ESYT2: variants seen among roughly 807,000 people sequenced by gnomAD.
ESYT2 encodes the protein extended synaptotagmin-2.
ESYT2 carries 54 observed loss-of-function variants against 107.2 expected under a neutral mutation model. That is an observed-to-expected ratio of 0.50 (90% confidence interval 0.40 to 0.63). The LOEUF (loss-of-function observed/expected upper bound fraction) is 0.63. Among genes scored for constraint, ESYT2 ranks in the 30% least tolerant of loss-of-function variants. The pLI is 0.00. For synonymous variants in ESYT2, 491 were observed against 434.1 expected (o/e 1.13, Z -1.63); for missense variants, 1,020 against 1,094.5 (o/e 0.93, Z 0.96).
intron 1 of ESYT2, among the ~76,000 whole-genome samples, chr7:158,806,395 T>C (rs1025919631): frequency 6.6e-6 from 1 of 152,242 alleles, no homozygotes. Context: ...CTGAATTTCA[T>C]GTTATATCTG....
At chr7:158,808,132 T>C (rs1038170961) in intron 1 of ESYT2, among the ~76,000 whole-genome samples, 9 of 152,248 alleles carry the variant, frequency 5.9e-5, no homozygotes, top group Admixed American at 1.3e-4. Flanking sequence ...ATTTGTTACC[T>C]ATTACAGAAA....
At chr7:158,762,415 A>G (rs1838002528) in intron 10 of ESYT2, among the ~76,000 whole-genome samples, 1 of 152,118 alleles carries the variant, frequency 6.6e-6, no homozygotes, top group South Asian at 2.1e-4. Context: ...ATGAACTCTC[A>G]AGTCAGGCCA....
At position 158,770,521 on chromosome 7, in the gene ESYT2, A is replaced by AT. The variant is rs941549739; in HGVS notation, c.804-2748dup. On this transcript the variant is annotated intron_variant, in intron 7 of 22. Coordinates refer to ENST00000275418, the MANE Select transcript of ESYT2 (RefSeq NM_001367773.1). ...TACATATACGATTATATATATATAT[A>AT]TTTTTTTTCCTGAGACGGAGTCTCA... Among the ~76,000 whole-genome samples the AT allele has an allele frequency of 5.6e-4, 84 of 150,044 alleles. 1 individual carries two copies. The South Asian group carries it at 6.7e-3, about 12-fold the overall frequency.
chr7:158,750,421 T>C (rs1450050506), intron 14 of ESYT2, among the ~76,000 whole-genome samples: 1 of 152,150 alleles, frequency 6.6e-6, no homozygotes, highest in African/African-American at 2.4e-5. Flanking sequence ...ATTTATAACT[T>C]AGCCCCACAA....
At chr7:158,749,580 G>A in intron 15 of ESYT2, 69 bp downstream of exon 15, 1 of 1,485,354 alleles carries the variant, frequency 6.7e-7, no homozygotes, top group South Asian at 1.1e-5. Context: ...GGCATCCCCA[G>A]GTGAGACGGC....
intron 3 of ESYT2, among the ~76,000 whole-genome samples, chr7:158,796,816 G>A (rs946252132): frequency 6.7e-6 from 1 of 149,926 alleles, no homozygotes. Context: ...CAGACAGGAA[G>A]GGGCACTGCA....
rs3750051 is a variant in ESYT2 at position 158,734,189 on chromosome 7, G to A, written c.*18C>T. 162,264 of 1,613,516 alleles carry A rather than the reference G, an allele frequency of 0.1. 16,887 individuals carry two copies. Among genetic ancestry groups the A allele is most frequent in the East Asian group, 0.53 (23,604 of 44,856 alleles). On this transcript the variant is annotated 3_prime_UTR_variant, in exon 23 of 23. Transcript: ENST00000275418. ...GGTGGAGAGCTACGCTGAAGAGGAC[G>A]CCTCCTGCCTGCTGCGGCTATGTCA...
chr7:158,814,383 A>G (rs1229070635), intron 1 of ESYT2, among the ~76,000 whole-genome samples: 2 of 148,192 alleles, frequency 1.3e-5, no homozygotes, highest in Non-Finnish European at 3.0e-5. Flanking sequence ...TGACTCTCAC[A>G]GATCAAAAAC....
chr7:158,742,404 C>A (rs1481009725), intron 17 of ESYT2, among the ~76,000 whole-genome samples: 1 of 152,228 alleles, frequency 6.6e-6, no homozygotes, highest in African/African-American at 2.4e-5. Context: ...TCTGCGTATT[C>A]CTCTAGTCTC....
At position 158,788,058 on chromosome 7, in the gene ESYT2, C is replaced by T. The variant is rs1268734184; in HGVS notation, c.693G>A (p.Leu231=). The change falls in exon 6 of 23, where the codon TTG becomes TTA. Residue 231 remains leucine (L), a synonymous_variant. Coordinates refer to ENST00000275418, the MANE Select transcript of ESYT2 (RefSeq NM_001367773.1). ...CTCCAACTAAGGGCATATCTCCAAT[C>T]AACGGTTCCAGGATCACCCGCATGG... The part of the protein sequence containing the change: ...HGTMRVILEP[L]IGDMPLVGAL... 1 of 1,614,138 alleles carries T rather than the reference C, an allele frequency of 6.2e-7. No homozygotes were observed. Among genetic ancestry groups the T allele is most frequent in the South Asian group, 1.1e-5 (1 of 91,082 alleles).
intron 1 of ESYT2, among the ~76,000 whole-genome samples, chr7:158,824,297 G>A (rs978713435): frequency 3.9e-5 from 6 of 152,184 alleles, no homozygotes; most frequent in Admixed American, 3.9e-4. Context: ...TCGGATTCAG[G>A]TGCTGAAGAA....
At chr7:158,790,076 T>C (rs1839238457) in intron 4 of ESYT2, among the ~76,000 whole-genome samples, 1 of 149,814 alleles carries the variant, frequency 6.7e-6, no homozygotes, top group African/African-American at 2.5e-5. Flanking sequence ...AGCGTCCTCC[T>C]GGGGCACTGC....
intron 6 of ESYT2, 60 bp from the exon 7 acceptor site, chr7:158,773,456 T>G: frequency 6.5e-7 from 1 of 1,545,374 alleles, no homozygotes; most frequent in Admixed American, 1.7e-5. Context: ...TTGAATCAGG[T>G]GCACACAGGC....
chr7:158,813,009 G>C (rs2129474016), intron 1 of ESYT2, among the ~76,000 whole-genome samples: 1 of 152,282 alleles, frequency 6.6e-6, no homozygotes, highest in Non-Finnish European at 1.5e-5. Context: ...AGAGAGAGGT[G>C]ATGATTACAC....
chr7:158,736,454 T>C (rs954981165), intron 20 of ESYT2, among the ~76,000 whole-genome samples: 1 of 152,094 alleles, frequency 6.6e-6, no homozygotes, highest in Non-Finnish European at 1.5e-5. Context: ...AGCAGCTCTT[T>C]AAAAGTGGGG....
At chr7:158,782,228 A>T (rs974106546) in intron 6 of ESYT2, among the ~76,000 whole-genome samples, 1 of 83,404 alleles carries the variant, frequency 1.2e-5, no homozygotes, top group Non-Finnish European at 3.5e-5. Flanking sequence ...AACAGATGTG[A>T]GTGTAACAAC....
intron 4 of ESYT2, among the ~76,000 whole-genome samples, chr7:158,792,831 T>C (rs35486202): frequency 0.13 from 18,948 of 143,818 alleles, 1,389 homozygotes; most frequent in African/African-American, 0.21. Flanking sequence ...CGCAGTGGCA[T>C]GATCTCGGCT....
At chr7:158,808,305 C>T (rs113393601) in intron 1 of ESYT2, among the ~76,000 whole-genome samples, 3,188 of 152,318 alleles carry the variant, frequency 0.021, 112 homozygotes, top group African/African-American at 0.071. Context: ...GCTCGAGACA[C>T]GAGCCCCGTC....
intron 1 of ESYT2, among the ~76,000 whole-genome samples, chr7:158,815,102 G>C (rs923976713): frequency 9.2e-5 from 14 of 152,212 alleles, no homozygotes; most frequent in African/African-American, 3.4e-4. Flanking sequence ...AGTTAGAAGA[G>C]AGCCTGCAAT....
Sources: gnomAD v4.1 joint callset for allele counts (sites outside exome capture counted in the v4.1 genomes callset) on GRCh38, gnomAD v4.1.1 for gene constraint, MANE v1.5 for transcripts, NCBI Gene and HGNC (gene_info 2026-07-23, HGNC 2026-07-21) for gene names.